NR5A2: variants seen among roughly 807,000 people sequenced by gnomAD.
NR5A2 encodes CYP7A promoter-binding factor.
In NR5A2, 26 loss-of-function variants were observed where a neutral mutation model predicts 62.7. That is an observed-to-expected ratio of 0.41 (90% CI 0.30 to 0.58). The LOEUF is 0.58. Ranked by LOEUF, NR5A2 falls within the 20% of genes least tolerant of loss-of-function variation. The pLI is 0.22. For synonymous variants in NR5A2, 246 were observed against 241.7 expected, an observed-to-expected ratio of 1.02 and a Z score of -0.16; for missense variants, 541 against 669.1, an observed-to-expected ratio of 0.81 and a Z score of 2.11.
intron 5 of NR5A2, among the ~76,000 whole-genome samples, chr1:200,091,475 GCT>G (rs1664810268): frequency 6.8e-6 from 1 of 146,752 alleles, no homozygotes; most frequent in Non-Finnish European, 1.5e-5. Flanking sequence ...CTTACCCTTT[GCT>G]CTCTTTCTTT....
chr1:200,121,367 T>G (rs969646320), intron 7 of NR5A2, among the ~76,000 whole-genome samples: 2 of 152,240 alleles, frequency 1.3e-5, no homozygotes, highest in East Asian at 3.8e-4. Context: ...GTTTTTATTC[T>G]TCTAAAATAT....
chr1:200,145,464 G>C (rs1667652021), intron 7 of NR5A2, among the ~76,000 whole-genome samples: 1 of 136,090 alleles, frequency 7.3e-6, no homozygotes, highest in African/African-American at 2.9e-5. Context: ...GCCATTGATA[G>C]AATTTGTGTG....
At chr1:200,125,157 C>A (rs1165719830) in intron 7 of NR5A2, among the ~76,000 whole-genome samples, 1 of 152,078 alleles carries the variant, frequency 6.6e-6, no homozygotes, top group Non-Finnish European at 1.5e-5. Context: ...GGAAAGCTAA[C>A]GTGAAGAAAA....
chr1:200,140,627 A>G (rs1405120428), intron 7 of NR5A2, among the ~76,000 whole-genome samples: 6 of 152,178 alleles, frequency 3.9e-5, no homozygotes, highest in Admixed American at 3.9e-4. Flanking sequence ...TAAATTTGAG[A>G]TCATTTTAAA....
intron 7 of NR5A2, among the ~76,000 whole-genome samples, chr1:200,150,246 G>A (rs1653005370): frequency 6.6e-6 from 1 of 152,130 alleles, no homozygotes. Flanking sequence ...TGTCATCCTT[G>A]GTAGACATTT....
chr1:200,083,970 T>A (rs1158291656), intron 5 of NR5A2, among the ~76,000 whole-genome samples: 1 of 32,940 alleles, frequency 3.0e-5, no homozygotes, highest in African/African-American at 1.2e-4. Flanking sequence ...CATCTCAAAA[T>A]AATAATAATA....
intron 5 of NR5A2, among the ~76,000 whole-genome samples, chr1:200,055,096 C>T (rs1461342756): frequency 6.6e-6 from 1 of 151,984 alleles, no homozygotes; most frequent in African/African-American, 2.4e-5. Flanking sequence ...GATCTTGCGA[C>T]GTTGCCCAGG....
At position 200,118,944 on chromosome 1, in the gene NR5A2, C is replaced by G. The variant is rs1300639169; in HGVS notation, c.1231-1864C>G. ...GAAACAGAAACCACAGGAGTTCTTA[C>G]AACACTTGATGTTTAAATTTAGTGC... On this transcript the variant is annotated intron_variant, in intron 6 of 7. Transcript: ENST00000367362. Among the ~76,000 whole-genome samples, 12 of 152,334 alleles carry G rather than the reference C, an allele frequency of 7.9e-5. No individual in the cohort carries two copies. In the South Asian group the frequency reaches 2.3e-3, roughly 29 times the overall value.
intron 5 of NR5A2, among the ~76,000 whole-genome samples, chr1:200,100,741 A>G (rs1029662664): frequency 6.6e-6 from 1 of 152,220 alleles, no homozygotes; most frequent in South Asian, 2.1e-4. Flanking sequence ...CCCTGTTTAC[A>G]TAATCTGGAA....
At chr1:200,062,694 G>C (rs1172769071) in intron 5 of NR5A2, among the ~76,000 whole-genome samples, 2 of 152,162 alleles carry the variant, frequency 1.3e-5, no homozygotes, top group Non-Finnish European at 2.9e-5. Context: ...AGCAGGAAAT[G>C]TAACTCGCAG....
intron 7 of NR5A2, among the ~76,000 whole-genome samples, chr1:200,136,818 C>T (rs998195743): frequency 1.3e-5 from 2 of 152,210 alleles, no homozygotes; most frequent in Non-Finnish European, 2.9e-5. Flanking sequence ...ATAATTCCCC[C>T]TCATCAACAT....
In NR5A2 at chr1:200,048,565, G is replaced by T. The variant is rs757464845; in HGVS notation, c.857G>T (p.Gly286Val). 4.3e-6 allele frequency: 7 copies of T among 1,614,042 alleles called. No individual in the cohort carries two copies. In the South Asian group the frequency reaches 5.5e-5, roughly 13 times the overall value. ...PYTSSPESIM[G>V]YSYMDSYQTS... ...ACCAGCTCACCCGAGTCCATAATGG[G>T]CTATTCATATATGGATAGTTACCAG... The change falls in exon 5 of 8, where the codon GGC becomes GTC. Residue 286 changes from glycine to valine, a missense_variant. Physicochemically the swap from Gly to Val is moderately radical, Grantham distance 109. This residue lies in a region of NR5A2 where 379 missense variants were observed against 442.0 expected (regional missense o/e 0.86). Coordinates refer to ENST00000367362, the MANE Select transcript of NR5A2 (RefSeq NM_205860.3). This position sits in a 1 kb window ranked among gnomAD's most constrained non-coding sequence, Gnocchi z 4.8.
At chr1:200,046,565 C>T (rs1479616658) in intron 4 of NR5A2, among the ~76,000 whole-genome samples, 1 of 151,794 alleles carries the variant, frequency 6.6e-6, no homozygotes, top group Non-Finnish European at 1.5e-5. Flanking sequence ...AAAAAAAAAT[C>T]ATATAAATCT....
chr1:200,146,236 T>A (rs1667690841), intron 7 of NR5A2, among the ~76,000 whole-genome samples: 1 of 152,162 alleles, frequency 6.6e-6, no homozygotes, highest in African/African-American at 2.4e-5. Flanking sequence ...ATAAAGAAAT[T>A]CATCTACCTG....
intron 7 of NR5A2, among the ~76,000 whole-genome samples, chr1:200,141,680 T>A (rs1667447724): frequency 6.6e-6 from 1 of 152,228 alleles, no homozygotes; most frequent in African/African-American, 2.4e-5. Context: ...ATCTATTTTT[T>A]AAGAGGTGAG....
rs991818609 is a variant in NR5A2, at chr1:200,104,513, T to C, written c.1111-6689T>C. Reference sequence around the variant, plus strand: ...TTTCTCTCCCCTCTTCAGAACAAACTTCTATAAATGTCATCATTGTTACAA... The same window carrying C: ...TTTCTCTCCCCTCTTCAGAACAAACCTCTATAAATGTCATCATTGTTACAA... On this transcript the variant is annotated intron_variant, in intron 5 of 7. Transcript: ENST00000367362. Among the ~76,000 whole-genome samples the C allele has an allele frequency of 4.6e-5, 7 of 152,212 alleles. No homozygotes were observed. The South Asian group carries it at 1.2e-3, about 27-fold the overall frequency.
chr1:200,035,654 G>A (rs1346294466), intron 1 of NR5A2, among the ~76,000 whole-genome samples: 1 of 152,198 alleles, frequency 6.6e-6, no homozygotes, highest in Non-Finnish European at 1.5e-5. Context: ...AACGCCGAGC[G>A]TGGATAAAAT....
chr1:200,174,308 T>A lies in NR5A2; in HGVS notation c.*98T>A. ...GAAGAAAAAAAGTACTCTGAACTGC[T>A]CCAAGTAACGCTAATTAAAAACTTG... is the stretch of plus-strand genomic sequence containing the variant. On this transcript the variant is annotated 3_prime_UTR_variant, in exon 8 of 8. Coordinates refer to ENST00000367362, the MANE Select transcript of NR5A2 (RefSeq NM_205860.3). The A allele has an allele frequency of 7.8e-7, 1 of 1,290,202 alleles. No individual in the cohort carries two copies. Among genetic ancestry groups the A allele is most frequent in the Non-Finnish European group, 1.0e-6 (1 of 982,334 alleles). The allele number at this position is 1,290,202 out of a possible 1,614,324, so 79.9% of individuals were successfully genotyped here. A position where few individuals can be genotyped will look rare whatever the true frequency, so the allele number is the denominator to read the frequency against.
chr1:200,047,734 G>A (rs562924592), intron 4 of NR5A2, among the ~76,000 whole-genome samples: 4 of 152,058 alleles, frequency 2.6e-5, no homozygotes, highest in African/African-American at 7.2e-5. Context: ...CCACCACTAC[G>A]CCTGGCTAAT....
Sources: gnomAD v4.1 joint callset for allele counts (sites outside exome capture counted in the v4.1 genomes callset) on GRCh38, gnomAD v4.1.1 for gene constraint, gnomAD v4.1.1 regional missense constraint, Gnocchi (gnomAD v3.1) non-coding constraint, MANE v1.5 for transcripts, NCBI Gene and HGNC (gene_info 2026-07-23, HGNC 2026-07-21) for gene names.